The following TMEM117 variants were observed in gnomAD, a reference collection of about 807,000 sequenced individuals.
TMEM117 encodes transmembrane protein 117.
Under a neutral mutation model 52.4 loss-of-function variants are expected in TMEM117, and 27 were observed. The ratio of observed to expected loss-of-function variants is 0.51; its 90% CI spans 0.38 to 0.71. The LOEUF is 0.71. TMEM117 is among the 30% of genes least tolerant of loss of function. TMEM117 has a pLI of 0.00. For missense variants in TMEM117, 556 were observed against 630.5 expected, an observed-to-expected ratio of 0.88 and a Z score of 1.26; for synonymous variants, 215 against 206.3, an observed-to-expected ratio of 1.04 and a Z score of -0.36.
intron 2 of TMEM117, among the ~76,000 whole-genome samples, chr12:43,864,417 C>T (rs1358819360): frequency 6.6e-6 from 1 of 152,212 alleles, no homozygotes; most frequent in Non-Finnish European, 1.5e-5. Flanking sequence ...ATTGTAAATA[C>T]ACCAATCAGC....
intron 3 of TMEM117, among the ~76,000 whole-genome samples, chr12:44,066,824 A>G (rs1350046344): frequency 1.3e-5 from 2 of 152,214 alleles, no homozygotes; most frequent in Non-Finnish European, 2.9e-5. Flanking sequence ...TCTTGAAATA[A>G]AAATGAAGTT....
intron 3 of TMEM117, among the ~76,000 whole-genome samples, chr12:43,973,724 C>T (rs1417718952): frequency 6.6e-6 from 1 of 152,152 alleles, no homozygotes; most frequent in African/African-American, 2.4e-5. Flanking sequence ...GCTGCTACAG[C>T]AATTTGGGGT....
chr12:44,303,001 C>T (rs17094401), intron 6 of TMEM117, among the ~76,000 whole-genome samples: 7,134 of 151,664 alleles, frequency 0.047, 346 homozygotes, highest in African/African-American at 0.12. Context: ...ATCCTAGGTT[C>T]TCTATTGGTA....
chr12:43,970,876 T>C (rs1249086212), intron 3 of TMEM117, among the ~76,000 whole-genome samples: 3 of 152,026 alleles, frequency 2.0e-5, no homozygotes, highest in Non-Finnish European at 4.4e-5. Flanking sequence ...CAGGAGATTC[T>C]AAAATATGTA....
intron 4 of TMEM117, among the ~76,000 whole-genome samples, chr12:44,164,824 A>G (rs539039734): frequency 3.2e-4 from 48 of 152,328 alleles, no homozygotes; most frequent in African/African-American, 1.1e-3. Context: ...ACTTATGGAT[A>G]CATGTGATAT....
chr12:44,204,430 AATAG>A (rs1293281529), intron 4 of TMEM117, among the ~76,000 whole-genome samples: 2 of 152,216 alleles, frequency 1.3e-5, no homozygotes, highest in Non-Finnish European at 2.9e-5. Context: ...GACACAAATG[AATAG>A]ATAAACATTC....
intron 6 of TMEM117, among the ~76,000 whole-genome samples, chr12:44,365,953 G>C (rs1418462095): frequency 6.6e-6 from 1 of 151,946 alleles, no homozygotes; most frequent in Non-Finnish European, 1.5e-5. Context: ...GGATGATATG[G>C]GAGGATTCCT....
intron 3 of TMEM117, among the ~76,000 whole-genome samples, chr12:44,132,187 G>GTT (rs536269311): frequency 8.2e-5 from 11 of 133,382 alleles, no homozygotes; most frequent in Non-Finnish European, 8.2e-5. Context: ...GGCTGCTCAG[G>GTT]TTTTTTTTTT....
chr12:44,162,212 G>T (rs938681612), intron 4 of TMEM117, among the ~76,000 whole-genome samples: 31 of 152,128 alleles, frequency 2.0e-4, no homozygotes, highest in African/African-American at 7.2e-4. Context: ...AGAATTTGTG[G>T]TCCACCCCAG....
chr12:44,174,443 A>C (rs1949091071), intron 4 of TMEM117, among the ~76,000 whole-genome samples: 1 of 152,198 alleles, frequency 6.6e-6, no homozygotes, highest in Admixed American at 6.5e-5. Flanking sequence ...CCTGCTCACT[A>C]TACTTAACTA....
chr12:43,849,034 T>G (rs983532036), intron 2 of TMEM117, among the ~76,000 whole-genome samples: 1 of 152,158 alleles, frequency 6.6e-6, no homozygotes. Context: ...CCAAGTAGGG[T>G]GTGGTCTTTA....
chr12:43,900,015 G>A (rs1944277872), intron 2 of TMEM117, among the ~76,000 whole-genome samples: 1 of 152,168 alleles, frequency 6.6e-6, no homozygotes, highest in African/African-American at 2.4e-5. Flanking sequence ...CCTGCTAATG[G>A]TTTATAATTG....
intron 3 of TMEM117, among the ~76,000 whole-genome samples, chr12:44,013,005 T>C (rs1037273565): frequency 2.0e-5 from 3 of 151,534 alleles, no homozygotes; most frequent in Admixed American, 6.6e-5. Context: ...CACACTTTTT[T>C]TCTTTTTTCT....
intron 5 of TMEM117, among the ~76,000 whole-genome samples, chr12:44,295,361 G>A (rs987583621): frequency 3.3e-5 from 5 of 151,958 alleles, no homozygotes; most frequent in African/African-American, 1.2e-4. Context: ...AGGCCACTAT[G>A]CCTGGCTGAA....
chr12:44,018,766 C>A (rs1260594623), intron 3 of TMEM117, among the ~76,000 whole-genome samples: 1 of 147,850 alleles, frequency 6.8e-6, no homozygotes. Context: ...TGTCGCCAGT[C>A]TGGAGTGCAG....
intron 3 of TMEM117, among the ~76,000 whole-genome samples, chr12:44,141,391 T>G (rs113009858): frequency 2.0e-5 from 3 of 152,242 alleles, no homozygotes; most frequent in African/African-American, 7.2e-5. Flanking sequence ...CCTCCCACCC[T>G]TTTCCCTCTG....
chr12:44,191,678 C>T (rs1949356515), intron 4 of TMEM117, among the ~76,000 whole-genome samples: 1 of 152,042 alleles, frequency 6.6e-6, no homozygotes, highest in Non-Finnish European at 1.5e-5. Flanking sequence ...TAAAATAGTA[C>T]CTCATCCAGG....
At chr12:43,831,142 A>G (rs1229147709), upstream of TMEM117, among the ~76,000 whole-genome samples, 1 of 152,210 alleles carries the variant, frequency 6.6e-6, no homozygotes, top group African/African-American at 2.4e-5. Flanking sequence ...TATGGATCAT[A>G]ATTTGTCTGT....
intron 3 of TMEM117, among the ~76,000 whole-genome samples, chr12:44,114,586 T>C (rs1370594507): frequency 1.1e-4 from 16 of 152,174 alleles, no homozygotes; most frequent in Non-Finnish European, 2.2e-4. Context: ...GTTTGTTCAG[T>C]AGCCTCTGAA....
Sources: gnomAD v4.1 joint callset for allele counts (sites outside exome capture counted in the v4.1 genomes callset) on GRCh38, gnomAD v4.1.1 for gene constraint, MANE v1.5 for transcripts, NCBI Gene and HGNC (gene_info 2026-07-23, HGNC 2026-07-21) for gene names.